The following DOCK7 variants were observed in gnomAD, a reference collection of about 807,000 sequenced individuals.
DOCK7 encodes dedicator of cytokinesis protein 7.
DOCK7 carries 138 observed loss-of-function variants against 271.0 expected under a neutral mutation model. The ratio of observed to expected loss-of-function variants is 0.51; its 90% confidence interval spans 0.44 to 0.59. The LOEUF is 0.59. Ranked by LOEUF, DOCK7 falls within the 20% of genes least tolerant of loss-of-function variation. The pLI is 0.00. For synonymous variants in DOCK7, 823 were observed against 876.1 expected (o/e 0.94, Z 1.07); for missense variants, 2,066 against 2,592.4 (o/e 0.80, Z 4.41).
intron 31 of DOCK7, among the ~76,000 whole-genome samples, chr1:62,515,062 C>T (rs1644619639): frequency 6.6e-6 from 1 of 150,668 alleles, no homozygotes; most frequent in Non-Finnish European, 1.5e-5. Flanking sequence ...TGACCAAATG[C>T]TTTATGTGTA....
chr1:62,657,982 G>T (rs553930658), intron 2 of DOCK7, among the ~76,000 whole-genome samples: 21 of 152,114 alleles, frequency 1.4e-4, no homozygotes, highest in African/African-American at 3.6e-4. Flanking sequence ...TGAGAAAAAA[G>T]AAGGCAGGGC....
intron 14 of DOCK7, chr1:62,598,823 A>C: frequency 6.9e-7 from 1 of 1,439,684 alleles, no homozygotes; most frequent in Non-Finnish European, 9.8e-7. Flanking sequence ...CAGTATTTTA[A>C]TGGTATGTCC....
At chr1:62,657,193 G>A (rs1658120741) in intron 2 of DOCK7, among the ~76,000 whole-genome samples, 1 of 152,160 alleles carries the variant, frequency 6.6e-6, no homozygotes, top group African/African-American at 2.4e-5. Context: ...ACACACCCTT[G>A]GGTGTCAGTG....
At chr1:62,472,716 A>C (rs1645865199) in intron 48 of DOCK7, among the ~76,000 whole-genome samples, 1 of 152,222 alleles carries the variant, frequency 6.6e-6, no homozygotes, top group Non-Finnish European at 1.5e-5. Context: ...GCCAGAAATC[A>C]GTCAATTCTA....
At chr1:62,616,939 T>C (rs938083276) in intron 14 of DOCK7, among the ~76,000 whole-genome samples, 1 of 151,746 alleles carries the variant, frequency 6.6e-6, no homozygotes, top group Admixed American at 6.6e-5. Flanking sequence ...TAGAATTTTA[T>C]ACCTGGCAAA....
intron 1 of DOCK7, among the ~76,000 whole-genome samples, chr1:62,678,856 C>T (rs1164990190): frequency 6.6e-6 from 1 of 152,032 alleles, no homozygotes; most frequent in African/African-American, 2.4e-5. Flanking sequence ...ATATCATCTA[C>T]AACAGATAAT....
At chr1:62,476,591 A>T (rs956272237) in intron 44 of DOCK7, among the ~76,000 whole-genome samples, 1 of 152,056 alleles carries the variant, frequency 6.6e-6, no homozygotes, top group Non-Finnish European at 1.5e-5. Flanking sequence ...TTTATGAACT[A>T]TTTTTTTAAT....
intron 14 of DOCK7, among the ~76,000 whole-genome samples, chr1:62,593,793 T>A (rs993548458): frequency 1.3e-5 from 2 of 152,142 alleles, no homozygotes; most frequent in African/African-American, 4.8e-5. Context: ...CTAACTGAGA[T>A]ATGTTCTCAG....
intron 7 of DOCK7, among the ~76,000 whole-genome samples, chr1:62,644,488 T>A (rs1389642665): frequency 2.0e-5 from 3 of 152,206 alleles, no homozygotes; most frequent in Non-Finnish European, 4.4e-5. Context: ...AAAACCAGGA[T>A]GAGCAACAGC....
chr1:62,677,653 G>A (rs1660684693), intron 1 of DOCK7, among the ~76,000 whole-genome samples: 1 of 152,068 alleles, frequency 6.6e-6, no homozygotes, highest in Non-Finnish European at 1.5e-5. Context: ...ATAAAAGGGA[G>A]TTAACTCTGA....
chr1:62,651,912 G>A (rs1657426810), intron 4 of DOCK7, among the ~76,000 whole-genome samples: 1 of 152,028 alleles, frequency 6.6e-6, no homozygotes, highest in East Asian at 1.9e-4. Context: ...TACTGTATCT[G>A]CTTACCCCAG....
At chr1:62,488,897 T>A in intron 42 of DOCK7, 37 bp downstream of exon 42, 2 of 1,612,754 alleles carry the variant, frequency 1.2e-6, no homozygotes, top group Non-Finnish European at 1.7e-6. Context: ...AGACAGTTTT[T>A]TCCCTTTATA....
chr1:62,604,577 T>TG, intron 14 of DOCK7: 4 of 1,528,136 alleles, frequency 2.6e-6, no homozygotes, highest in Non-Finnish European at 3.6e-6. Context: ...GGAAATACAG[T>TG]AACAGTAACT....
At chr1:62,587,299 T>TAAAAAAAAAAAAAAAAAAAAAAAAAAACA in intron 14 of DOCK7, among the ~76,000 whole-genome samples, 5 of 41,816 alleles carry the variant, frequency 1.2e-4, no homozygotes, top group Admixed American at 2.7e-4. Flanking sequence ...ACCAAATAGC[T>TAAAAAAAAAAAAAAAAAAAAAAAAAAACA]AAAAAAAAAA....
intron 12 of DOCK7, among the ~76,000 whole-genome samples, chr1:62,621,755 T>C (rs1362179227): frequency 6.6e-6 from 1 of 152,234 alleles, no homozygotes; most frequent in African/African-American, 2.4e-5. Flanking sequence ...TTATTGTAAA[T>C]GTTCTATCAG....
intron 15 of DOCK7, among the ~76,000 whole-genome samples, chr1:62,583,874 C>A (rs191002987): frequency 1.5e-3 from 235 of 152,146 alleles, no homozygotes; most frequent in African/African-American, 5.4e-3. Flanking sequence ...AGTAATTCAG[C>A]CTTGTATATC....
At position 62,475,284 on chromosome 1, in the gene DOCK7, G is replaced by T; in HGVS notation, c.6029C>A (p.Ala2010Glu). Residue 2010 changes from alanine to glutamate, a missense_variant, in exon 47 of 50, where the codon GCA (alanine) becomes GAA (glutamate). Physicochemically the swap from Ala to Glu is moderately radical, Grantham distance 107. Transcript: ENST00000635253. ...GGGGTCTGCGGGATCCTGATGTGTT[G>T]CAAATGCCAACTCCTGTGTCTTTTT... is the stretch of plus-strand genomic sequence containing the variant. ...MQKKTQELAFATHQDPADPKM... is the reference protein window; with the variant it reads ...MQKKTQELAFETHQDPADPKM... 6.2e-7 allele frequency: 1 copy of T among 1,614,010 alleles called. No individual in the cohort carries two copies. The highest frequency in any genetic ancestry group is 8.5e-7 in the Non-Finnish European group (1 of 1,179,932).
rs150386658 is a variant in DOCK7, at chr1:62,653,631, A to C, written c.389+94T>G. On this transcript the variant is annotated intron_variant, in intron 4 of 49. Transcript: ENST00000635253. ...TTTCTTCAGCTATTTTGTTTAAATA[A>C]ATTTTCAGGTCTCATAAACATTACG... 1,366 of 793,884 alleles carry C rather than the reference A, an allele frequency of 1.7e-3. 9 individuals carry two copies. In the African/African-American group the frequency reaches 0.021, roughly 12 times the overall value. The allele number at this position is 793,884 out of a possible 1,614,324, so 49.2% of individuals were successfully genotyped here.
In DOCK7 at chr1:62,543,733, T is replaced by A; in HGVS notation, c.2872A>T (p.Ser958Cys). Reference protein sequence around the residue: ...SAESTQAMDRSCNRMSSHTET... With the variant: ...SAESTQAMDRCCNRMSSHTET... ...GTGTGCGAAGACATACGATTACAAC[T>A]TCGATCCATAGCCTATGGAGTGAAG... The change falls in exon 24 of 50, where the codon AGT becomes TGT. Residue 958 changes from serine to cysteine, a missense_variant. This residue lies in a region of DOCK7 where 1,414 missense variants were observed against 1,670.4 expected (regional missense o/e 0.85). Coordinates refer to ENST00000635253, the MANE Select transcript of DOCK7 (RefSeq NM_001367561.1). 6.3e-7 allele frequency: 1 copy of A among 1,595,382 alleles called. No homozygotes were observed. The highest frequency in any genetic ancestry group is 8.6e-7 in the Non-Finnish European group (1 of 1,166,468).
Sources: allele counts gnomAD v4.1 joint callset (sites outside exome capture counted in the v4.1 genomes callset), GRCh38; gene constraint gnomAD v4.1.1; regional missense constraint gnomAD v4.1.1; transcripts MANE v1.5; gene names NCBI Gene and HGNC (gene_info 2026-07-23, HGNC 2026-07-21).